The following CELF2 variants were observed in gnomAD, a reference collection of about 807,000 sequenced individuals.
CELF2 encodes the protein CUG triplet repeat RNA-binding protein 2.
Under a neutral mutation model 62.6 loss-of-function variants are expected in CELF2, and 8 were observed. That is an observed-to-expected ratio of 0.13 (90% CI 0.07 to 0.23). The LOEUF (loss-of-function observed/expected upper bound fraction) is 0.23. Ranked by LOEUF, CELF2 falls within the 10% of genes least tolerant of loss-of-function variation. The probability of loss-of-function intolerance (pLI) is 1.00; values close to 1 mark genes in which losing one functional copy is unlikely to be tolerated. For synonymous variants in CELF2, 258 were observed against 250.0 expected, an observed-to-expected ratio of 1.03 and a Z score of -0.30; for missense variants, 333 against 671.0, an observed-to-expected ratio of 0.50 and a Z score of 5.56.
intron 1 of CELF2, among the ~76,000 whole-genome samples, chr10:10,844,572 A>G (rs377359017): frequency 6.6e-6 from 1 of 152,114 alleles, no homozygotes; most frequent in African/African-American, 2.4e-5. Flanking sequence ...GAGTGTGGGG[A>G]AACTAGCAAA....
the CELF2 span, among the ~76,000 whole-genome samples, chr10:10,603,592 A>G: frequency 6.6e-6 from 1 of 152,184 alleles, no homozygotes; most frequent in South Asian, 2.1e-4. Flanking sequence ...CCAGAACTGC[A>G]CCACTAACTT....
the CELF2 span, among the ~76,000 whole-genome samples, chr10:10,756,717 T>A: frequency 6.6e-6 from 1 of 152,214 alleles, no homozygotes; most frequent in African/African-American, 2.4e-5. Context: ...ATTCACTCTA[T>A]TCCATTCATT....
the CELF2 span, among the ~76,000 whole-genome samples, chr10:10,715,432 CTT>C: frequency 6.6e-6 from 1 of 152,162 alleles, no homozygotes; most frequent in Non-Finnish European, 1.5e-5. Flanking sequence ...GTTGCTGAAT[CTT>C]TGTTCTTGGT....
At chr10:11,053,009 GT>G (rs1320883465) in intron 1 of CELF2, among the ~76,000 whole-genome samples, 5 of 151,230 alleles carry the variant, frequency 3.3e-5, no homozygotes, top group Non-Finnish European at 5.9e-5. Flanking sequence ...TTTTTTAAAT[GT>G]TTTCTTCTTT....
intron 2 of CELF2, among the ~76,000 whole-genome samples, chr10:10,979,235 G>C (rs1262440279): frequency 6.6e-6 from 1 of 152,178 alleles, no homozygotes; most frequent in Non-Finnish European, 1.5e-5. Context: ...CTTGACGCCA[G>C]GCCTGTGCCT....
chr10:10,500,038 A>G, the CELF2 span, among the ~76,000 whole-genome samples: 1 of 152,212 alleles, frequency 6.6e-6, no homozygotes, highest in Non-Finnish European at 1.5e-5. Context: ...GGAACAGGAA[A>G]CAGCATTTCA....
At chr10:10,635,859 C>T in the CELF2 span, among the ~76,000 whole-genome samples, 2 of 152,200 alleles carry the variant, frequency 1.3e-5, no homozygotes, top group Non-Finnish European at 2.9e-5. Flanking sequence ...CTCCAAATGC[C>T]ACTTCCTTAG....
chr10:11,053,250 T>C (rs1208741122), intron 1 of CELF2, among the ~76,000 whole-genome samples: 1 of 152,226 alleles, frequency 6.6e-6, no homozygotes, highest in Non-Finnish European at 1.5e-5. Context: ...CAGCATTCTT[T>C]TGTTCCTTGG....
At chr10:10,654,303 G>C in the CELF2 span, among the ~76,000 whole-genome samples, 4 of 111,668 alleles carry the variant, frequency 3.6e-5, 1 homozygote, top group Non-Finnish European at 7.8e-5. Context: ...GGAGGAACTG[G>C]TACCATTCCT....
chr10:10,871,767 G>C (rs2060763931), intron 1 of CELF2, among the ~76,000 whole-genome samples: 1 of 152,140 alleles, frequency 6.6e-6, no homozygotes, highest in African/African-American at 2.4e-5. Flanking sequence ...GGAGAGAAAT[G>C]GGCTTTCCAG....
chr10:11,152,262 C>T (rs915085227), intron 1 of CELF2, among the ~76,000 whole-genome samples: 1 of 152,168 alleles, frequency 6.6e-6, no homozygotes, highest in African/African-American at 2.4e-5. Context: ...AAGAAAAGAA[C>T]TTTGTGACAC....
intron 1 of CELF2, among the ~76,000 whole-genome samples, chr10:11,061,885 T>G (rs1594362016): frequency 6.6e-6 from 1 of 152,228 alleles, no homozygotes; most frequent in Admixed American, 6.5e-5. Context: ...TGATCTCAGC[T>G]CACTGTAACC....
Position 11,011,236 on chromosome 10 carries a change from C to G in CELF2, c.53+5796C>G, listed in dbSNP as rs995395201. ...AAAATAGGTCATACGGCAATGAAAA[C>G]CAAGCAAGTAACAAACATACATGCA... On this transcript the variant is annotated intron_variant, in intron 1 of 12. Coordinates refer to the CELF2 transcript ENST00000416382. This position sits in a 1 kb window ranked among gnomAD's most constrained non-coding sequence, Gnocchi z 4.6. 1.3e-5 allele frequency: 2 copies of G among 151,786 alleles called. No individual in the cohort carries two copies. Among genetic ancestry groups the G allele is most frequent in the Non-Finnish European group, 2.9e-5 (2 of 67,976 alleles). 9.4% of individuals were successfully genotyped at this position (151,786 alleles called of 1,614,324 possible).
chr10:10,584,191 T>C, the CELF2 span, among the ~76,000 whole-genome samples: 1 of 152,152 alleles, frequency 6.6e-6, no homozygotes, highest in Non-Finnish European at 1.5e-5. Flanking sequence ...AAGAAAAATT[T>C]TGACTGAATT....
chr10:10,472,778 A>G, the CELF2 span, among the ~76,000 whole-genome samples: 5 of 152,092 alleles, frequency 3.3e-5, no homozygotes, highest in Admixed American at 1.3e-4. Flanking sequence ...GTGTGCAGCT[A>G]CTAATATATC....
intron 1 of CELF2, among the ~76,000 whole-genome samples, chr10:11,082,290 T>TG (rs1472841477): frequency 6.6e-6 from 1 of 152,230 alleles, no homozygotes; most frequent in Non-Finnish European, 1.5e-5. Context: ...TCCACTCAGT[T>TG]GCAGCCAACG....
At chr10:10,713,174 A>G in the CELF2 span, among the ~76,000 whole-genome samples, 1 of 152,216 alleles carries the variant, frequency 6.6e-6, no homozygotes, top group Non-Finnish European at 1.5e-5. Flanking sequence ...CTTTCCTCAA[A>G]AGGCCTTCGT....
chr10:10,821,137 T>C (rs1472860982), intron 1 of CELF2, among the ~76,000 whole-genome samples: 1 of 152,150 alleles, frequency 6.6e-6, no homozygotes, highest in African/African-American at 2.4e-5. Flanking sequence ...GGGGGTATCA[T>C]TTATGTAGAT....
the CELF2 span, among the ~76,000 whole-genome samples, chr10:10,742,589 CAAAAAAA>C: frequency 7.8e-6 from 1 of 128,124 alleles, no homozygotes. Flanking sequence ...GACTTTGTTG[CAAAAAAA>C]AAAAAAAAAA....
Sources: allele counts gnomAD v4.1 joint callset (sites outside exome capture counted in the v4.1 genomes callset), GRCh38; gene constraint gnomAD v4.1.1; non-coding constraint Gnocchi (gnomAD v3.1); transcripts MANE v1.5; gene names NCBI Gene and HGNC (gene_info 2026-07-23, HGNC 2026-07-21).